The following ST7 variants were observed in gnomAD, a reference collection of about 807,000 sequenced individuals.
ST7 encodes suppression of tumorigenicity 7.
Under a neutral mutation model 78.7 loss-of-function variants are expected in ST7, and 28 were observed. That is an observed-to-expected ratio of 0.36 (90% CI 0.26 to 0.49). The LOEUF (loss-of-function observed/expected upper bound fraction) is 0.49. Ranked by LOEUF, ST7 falls within the 20% of genes least tolerant of loss-of-function variation. The probability of loss-of-function intolerance (pLI) is 0.99; values close to 1 mark genes in which losing one functional copy is unlikely to be tolerated. For missense variants in ST7, 418 were observed against 696.0 expected, an observed-to-expected ratio of 0.60 and a Z score of 4.49; for synonymous variants, 247 against 249.6, an observed-to-expected ratio of 0.99 and a Z score of 0.10.
chr7:117,022,610 C>T (rs982259064), intron 1 of ST7, among the ~76,000 whole-genome samples: 3 of 152,062 alleles, frequency 2.0e-5, no homozygotes, highest in East Asian at 3.9e-4. Flanking sequence ...ATTTGAAATT[C>T]CAATTAGTTC....
intron 3 of ST7, among the ~76,000 whole-genome samples, chr7:117,128,897 C>T (rs531360967): frequency 1.4e-4 from 22 of 151,854 alleles, no homozygotes; most frequent in African/African-American, 4.6e-4. Context: ...TGGTTGCACA[C>T]GCACATAGAT....
rs549302652 is a variant in ST7, at chr7:117,107,720, T to A, written c.234+7876T>A. Among the ~76,000 whole-genome samples, 5 of 150,954 alleles carry A rather than the reference T, an allele frequency of 3.3e-5. No individual in the cohort carries two copies. The South Asian group carries it at 1.1e-3, about 32-fold the overall frequency. ...CCTCTGCCTCCTGGGTTCAAGCAAT[T>A]CTCCTGCCTCTGCCTCCCAAGTAGC... On this transcript the variant is annotated intron_variant, in intron 2 of 15. Transcript: ENST00000323984.
At chr7:117,166,867 T>C (rs1480503082) in intron 9 of ST7, among the ~76,000 whole-genome samples, 1 of 149,892 alleles carries the variant, frequency 6.7e-6, no homozygotes, top group Non-Finnish European at 1.5e-5. Context: ...CCAGACTGGG[T>C]GACAGAGCCA....
chr7:117,122,394 A>G (rs1405906454), intron 3 of ST7, among the ~76,000 whole-genome samples: 1 of 152,176 alleles, frequency 6.6e-6, no homozygotes, highest in Non-Finnish European at 1.5e-5. Flanking sequence ...TGCAATTATC[A>G]TGGAAGAAAT....
At chr7:117,094,041 T>C (rs1298474391) in intron 1 of ST7, among the ~76,000 whole-genome samples, 2 of 152,154 alleles carry the variant, frequency 1.3e-5, no homozygotes, top group Non-Finnish European at 2.9e-5. Context: ...ATCATTTTGG[T>C]AATTTTGGGG....
intron 9 of ST7, among the ~76,000 whole-genome samples, chr7:117,159,412 T>G (rs2402157): frequency 0.12 from 18,381 of 152,198 alleles, 2,021 homozygotes; most frequent in African/African-American, 0.29. Context: ...TTCACTCTAT[T>G]TGAGCTGTAA....
intron 14 of ST7, among the ~76,000 whole-genome samples, chr7:117,220,705 T>C (rs1793024857): frequency 6.6e-6 from 1 of 152,200 alleles, no homozygotes. Context: ...GGTGAGGATA[T>C]GAAGAAGGTA....
At position 117,156,599 on chromosome 7, in the gene ST7, T is replaced by G. The variant is rs116327229; in HGVS notation, c.964-14263T>G. ...GAATAGGATCATGTATGTGGAGAGATAGAGAAGAGGGAAGATTAAGAAGTG... is the reference window on the plus strand; with the variant it reads ...GAATAGGATCATGTATGTGGAGAGAGAGAGAAGAGGGAAGATTAAGAAGTG... On this transcript the variant is annotated intron_variant, in intron 9 of 15. Coordinates refer to ENST00000323984, the MANE Select transcript of ST7 (RefSeq NM_001369598.1). Among the ~76,000 whole-genome samples, 844 of 152,180 alleles carry G rather than the reference T, an allele frequency of 5.5e-3. 7 individuals carry two copies. Among genetic ancestry groups the G allele is most frequent in the African/African-American group, 0.019 (796 of 41,528 alleles).
rs745621918 is a variant in ST7, at chr7:117,190,962, A to G, written c.1254+26A>G. 9 of 1,552,454 alleles carry G rather than the reference A, an allele frequency of 5.8e-6. No homozygotes were observed. On this transcript the variant is annotated intron_variant, in intron 12 of 15. Transcript: ENST00000323984. This position sits in a 1 kb window ranked among gnomAD's most constrained non-coding sequence, Gnocchi z 5.2. ...GTGAGTCTGTGGAATCCCCACAGGA[A>G]CTCGTTATGATAGCAGAGAAAGCAT... is the stretch of plus-strand genomic sequence containing the variant.
At chr7:117,001,584 T>C (rs913463376) in intron 1 of ST7, among the ~76,000 whole-genome samples, 38 of 152,226 alleles carry the variant, frequency 2.5e-4, no homozygotes, top group Admixed American at 2.4e-3. Flanking sequence ...TCAACAGAGC[T>C]TACAAACCTT....
chr7:117,019,847 C>G (rs1795789693), intron 1 of ST7, among the ~76,000 whole-genome samples: 1 of 152,182 alleles, frequency 6.6e-6, no homozygotes, highest in African/African-American at 2.4e-5. Flanking sequence ...TAACAATGAA[C>G]TCTTCTGTAA....
intron 9 of ST7, among the ~76,000 whole-genome samples, chr7:117,156,156 A>G (rs1806674002): frequency 1.3e-5 from 2 of 151,834 alleles, no homozygotes; most frequent in Non-Finnish European, 2.9e-5. Flanking sequence ...CTTATTTTCC[A>G]TTTTTCCTTT....
rs1392036521 is a variant in ST7, at chr7:116,958,441, C to T, written c.151+4750C>T. 3 of 319,304 alleles carry T rather than the reference C, an allele frequency of 9.4e-6. No homozygotes were observed. The East Asian group carries it at 2.6e-4, about 28-fold the overall frequency. 19.8% of individuals were successfully genotyped at this position (319,304 alleles called of 1,614,324 possible). ...GAATTTTTGCTCTAAATTTACTTAA[C>T]ATTTAGATTTTAATTTACTTAAAAT... On this transcript the variant is annotated intron_variant, in intron 1 of 15. Coordinates refer to ENST00000323984, the MANE Select transcript of ST7 (RefSeq NM_001369598.1).
intron 9 of ST7, among the ~76,000 whole-genome samples, chr7:117,151,731 T>C (rs1430284676): frequency 1.3e-5 from 2 of 152,136 alleles, no homozygotes; most frequent in African/African-American, 4.8e-5. Context: ...GTGGAATGAA[T>C]GGATGGATGG....
chr7:117,065,292 T>A (rs539950632), intron 1 of ST7, among the ~76,000 whole-genome samples: 2 of 141,124 alleles, frequency 1.4e-5, no homozygotes, highest in African/African-American at 5.2e-5. Flanking sequence ...CACTGCAATC[T>A]CCACCTCCTG....
chr7:116,998,078 A>G (rs1344559463), intron 1 of ST7, among the ~76,000 whole-genome samples: 1 of 152,180 alleles, frequency 6.6e-6, no homozygotes, highest in Non-Finnish European at 1.5e-5. Context: ...CGGGCTGCAC[A>G]GGAGCCCATG....
intron 1 of ST7, among the ~76,000 whole-genome samples, chr7:117,038,547 CT>C (rs1292551292): frequency 6.6e-6 from 1 of 152,164 alleles, no homozygotes; most frequent in Non-Finnish European, 1.5e-5. Flanking sequence ...ATTTTATAAT[CT>C]TTCAATTGAG....
Position 117,091,941 on chromosome 7 carries a change from T to C in ST7, c.152-7821T>C, listed in dbSNP as rs1396856567. Among the ~76,000 whole-genome samples the C allele has an allele frequency of 3.3e-5, 5 of 152,182 alleles. No individual in the cohort carries two copies. In the East Asian group the frequency reaches 9.6e-4, roughly 29 times the overall value. On this transcript the variant is annotated intron_variant, in intron 1 of 15. Transcript: ENST00000323984. ...CACTCAGGCTGTTGGCAGTAATCAT[T>C]GCTGTAGCACTGAGGGCTTGAGTTT...
At chr7:117,227,614 G>A (rs909950245) in intron 15 of ST7, among the ~76,000 whole-genome samples, 1 of 152,134 alleles carries the variant, frequency 6.6e-6, no homozygotes, top group African/African-American at 2.4e-5. Context: ...TTCCTATCAT[G>A]TTGGGTGAAT....
Sources: gnomAD v4.1 joint callset for allele counts (sites outside exome capture counted in the v4.1 genomes callset) on GRCh38, gnomAD v4.1.1 for gene constraint, Gnocchi (gnomAD v3.1) non-coding constraint, MANE v1.5 for transcripts, NCBI Gene and HGNC (gene_info 2026-07-23, HGNC 2026-07-21) for gene names.